GNL3: variants seen among roughly 807,000 people sequenced by gnomAD.
The protein encoded by GNL3 is G protein nucleolar 3.
Under a neutral mutation model 70.6 loss-of-function variants are expected in GNL3, and 77 were observed. That is an observed-to-expected ratio of 1.09 (90% CI 0.91 to 1.32). The LOEUF is 1.32. Ranked by LOEUF, GNL3 falls within the 40% of genes most tolerant of loss-of-function variation. GNL3 has a pLI of 0.00. For missense variants in GNL3, 634 were observed against 644.0 expected (o/e 0.98, Z 0.17); for synonymous variants, 252 against 216.1 (o/e 1.17, Z -1.46).
rs1465957392 is a variant in GNL3, at chr3:52,688,101, T to C, written c.325-8T>C. 2 of 1,554,362 alleles carry C rather than the reference T, an allele frequency of 1.3e-6. No individual in the cohort carries two copies. Among genetic ancestry groups the C allele is most frequent in the African/African-American group, 2.7e-5 (2 of 73,822 alleles). Reference sequence around the variant, plus strand: ...TAATTTTGTGTTATTTCCCCCTTTATCCTCTAGGAGTTTGGGCTTTGCAAA... The same window carrying C: ...TAATTTTGTGTTATTTCCCCCTTTACCCTCTAGGAGTTTGGGCTTTGCAAA... On this transcript the variant is annotated splice_polypyrimidine_tract_variant and splice_region_variant and intron_variant, in intron 4 of 14. Coordinates refer to ENST00000418458, the MANE Select transcript of GNL3 (RefSeq NM_014366.5).
chr3:52,687,380 G>C lies in GNL3; in HGVS notation c.207G>C (p.Gln69His). Residue 69 changes from glutamine to histidine, a missense_variant, in exon 3 of 15, where the codon CAG becomes CAC. Coordinates refer to ENST00000418458, the MANE Select transcript of GNL3 (RefSeq NM_014366.5). ...ALLREAELRK[Q>H]RLEELKQQQK... ...TTAGGGAAGCTGAGCTAAGGAAACAGAGGGTAAGTTATGTTAGCCAGAATT... is the reference window on the plus strand; with the variant it reads ...TTAGGGAAGCTGAGCTAAGGAAACACAGGGTAAGTTATGTTAGCCAGAATT... 1 of 1,613,482 alleles carries C rather than the reference G, an allele frequency of 6.2e-7. No homozygotes were observed. The highest frequency in any genetic ancestry group is 8.5e-7 in the Non-Finnish European group (1 of 1,179,780).
At chr3:52,690,441 T>C (rs993023209) in intron 6 of GNL3, 151 bp from the exon 7 acceptor site, 1 of 528,332 alleles carries the variant, frequency 1.9e-6, no homozygotes, top group African/African-American at 1.9e-5. Context: ...TTTTTTGTAT[T>C]TTTAGTAGAG....
Position 52,687,347 on chromosome 3 carries a change from G to A in GNL3, c.174G>A (p.Glu58=). 1 of 1,613,844 alleles carries A rather than the reference G, an allele frequency of 6.2e-7. No homozygotes were observed. The highest frequency in any genetic ancestry group is 8.5e-7 in the Non-Finnish European group (1 of 1,179,774). The part of the protein sequence containing the change: ...PGVPNSAPFK[E]ALLREAELRK... ...TTCCAAACAGTGCTCCCTTTAAGGA[G>A]GCTCTTCTTAGGGAAGCTGAGCTAA... The change falls in exon 3 of 15, where the codon GAG becomes GAA. Residue 58 remains glutamate (E), a synonymous_variant. Transcript: ENST00000418458.
chr3:52,687,199 G>C, intron 2 of GNL3, 47 bp from the exon 3 acceptor site: 2 of 1,516,304 alleles, frequency 1.3e-6, no homozygotes, highest in Non-Finnish European at 1.8e-6. Flanking sequence ...TTCTGCTTAA[G>C]TATAAAGATA....
chr3:52,687,177 T>C, intron 2 of GNL3, 69 bp from the exon 3 acceptor site: 3 of 1,357,202 alleles, frequency 2.2e-6, no homozygotes, highest in Admixed American at 4.1e-5. Flanking sequence ...CCAGATTGGT[T>C]TCTCACTTGA....
chr3:52,694,238 A>G lies in GNL3; in HGVS notation c.1613A>G (p.Glu538Gly). The change falls in exon 15 of 15, where the codon GAG becomes GGG. Residue 538 changes from glutamate (E) to glycine (G), a missense_variant. Physicochemically the swap from Glu to Gly is moderately conservative, Grantham distance 98. Transcript: ENST00000418458. Reference protein sequence around the residue: ...RSFILDKIIEEDDAYDFSTDY... With the variant: ...RSFILDKIIEGDDAYDFSTDY... ...TTTATCTTGGATAAAATCATTGAAG[A>G]GGATGATGCTTATGACTTCAGTACA... The G allele has an allele frequency of 1.3e-6, 2 of 1,589,552 alleles. No individual in the cohort carries two copies. The highest frequency in any genetic ancestry group is 1.7e-6 in the Non-Finnish European group (2 of 1,159,026).
At position 52,689,255 on chromosome 3, in the gene GNL3, G is replaced by A. The variant is rs200929039; in HGVS notation, c.541+49G>A. The A allele has an allele frequency of 1.2e-3, 1,876 of 1,523,094 alleles. 5 individuals carry two copies. Among genetic ancestry groups the A allele is most frequent in the Non-Finnish European group, 1.6e-3 (1,791 of 1,098,816 alleles). 94.3% of individuals were successfully genotyped at this position (1,523,094 alleles called of 1,614,324 possible). A position where few individuals can be genotyped will look rare whatever the true frequency, so the allele number is the denominator to read the frequency against. ...TCTTCTGTGTACATGGGTGAGGTAC[G>A]AGGAAACAGTCTGATAGTCACTGAA... On this transcript the variant is annotated intron_variant, in intron 6 of 14. Coordinates refer to ENST00000418458, the MANE Select transcript of GNL3 (RefSeq NM_014366.5).
chr3:52,688,246 A>G (rs1450968050), intron 5 of GNL3, 54 bp downstream of exon 5: 1 of 1,056,370 alleles, frequency 9.5e-7, no homozygotes, highest in Non-Finnish European at 1.4e-6. Context: ...AAAAGACTCA[A>G]GTCATTTTTT....
intron 9 of GNL3, among the ~76,000 whole-genome samples, chr3:52,692,210 T>A (rs998709656): frequency 6.6e-6 from 1 of 152,064 alleles, no homozygotes; most frequent in Non-Finnish European, 1.5e-5. Flanking sequence ...CCACCACACC[T>A]GGCTAGTTTT....
chr3:52,692,657 T>G, intron 9 of GNL3: 1 of 702,814 alleles, frequency 1.4e-6, no homozygotes, highest in Non-Finnish European at 2.6e-6. Context: ...AGCATGTGTT[T>G]TGGTTGATGT....
At chr3:52,688,031 C>T in intron 4 of GNL3, 78 bp from the exon 5 acceptor site, 1 of 824,324 alleles carries the variant, frequency 1.2e-6, no homozygotes, top group Non-Finnish European at 2.2e-6. Flanking sequence ...AGGGCTGCTA[C>T]TCAGCTGTGG....
At chr3:52,686,561 A>G (rs1425773096) in intron 1 of GNL3, 5 of 596,252 alleles carry the variant, frequency 8.4e-6, no homozygotes, top group Non-Finnish European at 1.2e-5. Flanking sequence ...TGTGAGGGTA[A>G]GTGCAGGGAA....
At chr3:52,691,096 ACTTTTT>A (rs1553911203) in intron 8 of GNL3, 25 bp downstream of exon 8, 1 of 1,606,524 alleles carries the variant, frequency 6.2e-7, no homozygotes, top group Non-Finnish European at 8.5e-7. Flanking sequence ...ATTACTTTTT[ACTTTTT>A]AAGTGTTGAA....
chr3:52,687,970 G>A, intron 4 of GNL3, 139 bp from the exon 5 acceptor site: 1 of 668,754 alleles, frequency 1.5e-6, no homozygotes, highest in Non-Finnish European at 2.7e-6. Flanking sequence ...TGAGCTTCTT[G>A]GGAGGAAGAC....
chr3:52,691,699 G>C, intron 9 of GNL3, 70 bp downstream of exon 9: 1 of 798,494 alleles, frequency 1.3e-6, no homozygotes, highest in Non-Finnish European at 2.0e-6. Context: ...CTCAAGGAAG[G>C]TGATTTTTTT....
chr3:52,686,325 A>G (rs945591704), intron 1 of GNL3: 2 of 601,876 alleles, frequency 3.3e-6, no homozygotes, highest in Non-Finnish European at 5.9e-6. Flanking sequence ...AGCCGGGCAG[A>G]GGGTGGGGAA....
In GNL3 at chr3:52,693,673, T is replaced by A; in HGVS notation, c.1366T>A (p.Ser456Thr). 2 of 1,614,094 alleles carry A rather than the reference T, an allele frequency of 1.2e-6. No individual in the cohort carries two copies. Among genetic ancestry groups the A allele is most frequent in the Non-Finnish European group, 1.7e-6 (2 of 1,180,006 alleles). ...TTTGGCCAATAGCATCCTTTTCCAG[T>A]CTTCCGGTCTGACAAATGGAATAAT... ...PHLANSILFQ[S>T]SGLTNGIIEE... Residue 456 changes from serine to threonine, a missense_variant, in exon 13 of 15, where the codon TCT (serine) becomes ACT (threonine). Transcript: ENST00000418458.
At chr3:52,686,454 C>T in intron 1 of GNL3, 3 of 569,802 alleles carry the variant, frequency 5.3e-6, no homozygotes, top group Non-Finnish European at 9.4e-6. Flanking sequence ...CTCCCAGACT[C>T]AGTGTTCCTC....
chr3:52,693,418 G>C lies in GNL3; in HGVS notation c.1198G>C (p.Ala400Pro). The change falls in exon 12 of 15, where the codon GCT (alanine) becomes CCT (proline). Residue 400 changes from alanine to proline, a missense_variant. Transcript: ENST00000418458. The part of the protein sequence containing the change: ...LWSEWTGASL[A>P]YYCHPPTSWT... Reference sequence around the variant, plus strand: ...TATTTTTAATATCAGTGCCTCATTAGCTTACTATTGCCATCCCCCTACATC... The same window carrying C: ...TATTTTTAATATCAGTGCCTCATTACCTTACTATTGCCATCCCCCTACATC... 1.2e-6 allele frequency: 2 copies of C among 1,614,026 alleles called. No homozygotes were observed. Among genetic ancestry groups the C allele is most frequent in the Non-Finnish European group, 1.7e-6 (2 of 1,179,950 alleles).
Sources: allele counts gnomAD v4.1 joint callset (sites outside exome capture counted in the v4.1 genomes callset), GRCh38; gene constraint gnomAD v4.1.1; transcripts MANE v1.5; gene names NCBI Gene and HGNC (gene_info 2026-07-23, HGNC 2026-07-21).